ARHGAP21: variants seen among roughly 807,000 people sequenced by gnomAD.
ARHGAP21 encodes Rho GTPase activating protein 21, also known as rho GTPase-activating protein 21.
Under a neutral mutation model 164.6 loss-of-function variants are expected in ARHGAP21, and 38 were observed. That is an observed-to-expected ratio of 0.23 (90% confidence interval 0.18 to 0.30). ARHGAP21 has a LOEUF of 0.30. ARHGAP21 is among the 10% of genes least tolerant of loss of function. The pLI is 1.00. For missense variants in ARHGAP21, 1,822 were observed against 2,370.7 expected, an observed-to-expected ratio of 0.77 and a Z score of 4.81; for synonymous variants, 766 against 857.9, an observed-to-expected ratio of 0.89 and a Z score of 1.87.
At chr10:24,684,545 ACTC>A (rs1842048004) in intron 2 of ARHGAP21, among the ~76,000 whole-genome samples, 1 of 152,194 alleles carries the variant, frequency 6.6e-6, no homozygotes, top group Admixed American at 6.5e-5. Context: ...TGAAACAAAA[ACTC>A]CTGTCAAAAA....
chr10:24,682,292 G>T (rs79171645), intron 2 of ARHGAP21, among the ~76,000 whole-genome samples: 3,826 of 152,312 alleles, frequency 0.025, 72 homozygotes, highest in Non-Finnish European at 0.037. Flanking sequence ...TATCACAAGT[G>T]TGATGGAAAA....
At chr10:24,697,096 T>C (rs1843240061) in intron 2 of ARHGAP21, among the ~76,000 whole-genome samples, 1 of 152,132 alleles carries the variant, frequency 6.6e-6, no homozygotes, top group African/African-American at 2.4e-5. Context: ...TCTCTAGAGA[T>C]GGGTAACAAA....
chr10:24,603,527 T>C (rs2076899710), intron 12 of ARHGAP21, among the ~76,000 whole-genome samples: 1 of 152,088 alleles, frequency 6.6e-6, no homozygotes, highest in Non-Finnish European at 1.5e-5. Context: ...AGAACATGGG[T>C]GCAGACAACA....
chr10:24,645,687 T>C (rs1190752205), intron 4 of ARHGAP21, among the ~76,000 whole-genome samples: 1 of 152,158 alleles, frequency 6.6e-6, no homozygotes, highest in African/African-American at 2.4e-5. Context: ...TGTAGGATCA[T>C]GGCACAAGGA....
At position 24,616,931 on chromosome 10, in the gene ARHGAP21, A is replaced by T. The variant is rs184612453; in HGVS notation, c.2422+2542T>A. ...GAGTAATATTCCAAATTTAAAAACA[A>T]AATGTATTCATTTTGTTTTGTATGC... On this transcript the variant is annotated intron_variant, in intron 9 of 25. Coordinates refer to ENST00000396432, the MANE Select transcript of ARHGAP21 (RefSeq NM_020824.4). Among the ~76,000 whole-genome samples, 317 of 152,316 alleles carry T rather than the reference A, an allele frequency of 2.1e-3. No individual in the cohort carries two copies. The Middle Eastern group carries it at 0.027, about 13-fold the overall frequency.
At chr10:24,650,412 T>C (rs576190890) in intron 4 of ARHGAP21, among the ~76,000 whole-genome samples, 1 of 152,310 alleles carries the variant, frequency 6.6e-6, no homozygotes, top group South Asian at 2.1e-4. Context: ...GGAGTTAAAA[T>C]GTTCTAAGGT....
At chr10:24,596,543 A>G in intron 17 of ARHGAP21, 197 bp downstream of exon 17, 2 of 663,614 alleles carry the variant, frequency 3.0e-6, no homozygotes, top group Non-Finnish European at 4.9e-6. Flanking sequence ...TAATGGTTGA[A>G]TAATTATTCA....
intron 4 of ARHGAP21, among the ~76,000 whole-genome samples, chr10:24,658,494 C>G (rs1839318877): frequency 6.6e-6 from 1 of 152,162 alleles, no homozygotes; most frequent in African/African-American, 2.4e-5. Context: ...GAATACTATG[C>G]AGCCATAAAA....
intron 4 of ARHGAP21, among the ~76,000 whole-genome samples, chr10:24,651,815 C>A (rs1056144154): frequency 2.9e-4 from 44 of 152,256 alleles, no homozygotes; most frequent in Non-Finnish European, 1.6e-4. Flanking sequence ...TTCCATATTT[C>A]AAATATTCCA....
At chr10:24,633,152 A>G (rs904181546) in intron 6 of ARHGAP21, among the ~76,000 whole-genome samples, 1 of 152,244 alleles carries the variant, frequency 6.6e-6, no homozygotes, top group African/African-American at 2.4e-5. Flanking sequence ...CAGTAAATCT[A>G]AAGTGTGTGC....
At chr10:24,719,098 T>TACAC (rs57863565) in intron 2 of ARHGAP21, among the ~76,000 whole-genome samples, 9,852 of 147,490 alleles carry the variant, frequency 0.067, 329 homozygotes, top group Middle Eastern at 0.09. Flanking sequence ...CTTCACGGAC[T>TACAC]ACACACACAC....
chr10:24,597,403 T>TGA, intron 16 of ARHGAP21, 44 bp downstream of exon 16: 2 of 1,593,656 alleles, frequency 1.3e-6, no homozygotes, highest in Non-Finnish European at 1.7e-6. Flanking sequence ...ACGATGCCAA[T>TGA]TTTAAATCAT....
intron 4 of ARHGAP21, among the ~76,000 whole-genome samples, chr10:24,637,463 T>C (rs940679366): frequency 6.6e-6 from 1 of 152,172 alleles, no homozygotes; most frequent in Non-Finnish European, 1.5e-5. Flanking sequence ...ATTTATATAA[T>C]AAAAGAGAAG....
chr10:24,706,777 T>C (rs1458175370), intron 2 of ARHGAP21: 1 of 152,294 alleles, frequency 6.6e-6, no homozygotes, highest in East Asian at 1.9e-4. Flanking sequence ...TTCCCACCAG[T>C]ACATTTAAAT....
At chr10:24,591,491 G>T in intron 23 of ARHGAP21, 151 bp downstream of exon 23, 2 of 1,139,340 alleles carry the variant, frequency 1.8e-6, no homozygotes, top group South Asian at 1.4e-5. Flanking sequence ...CACCGTACTT[G>T]TATATTCATT....
chr10:24,663,056 T>TAC (rs1217032160), intron 4 of ARHGAP21, among the ~76,000 whole-genome samples: 8 of 152,086 alleles, frequency 5.3e-5, no homozygotes, highest in Non-Finnish European at 1.2e-4. Context: ...CAGGGTCTAT[T>TAC]ACAGGACATG....
chr10:24,612,747 C>G (rs967991428), intron 9 of ARHGAP21, among the ~76,000 whole-genome samples: 8 of 151,944 alleles, frequency 5.3e-5, no homozygotes, highest in African/African-American at 1.9e-4. Flanking sequence ...CCCAGCTACT[C>G]GGGAGGCTGA....
chr10:24,602,856 CTG>C (rs1227340801), intron 12 of ARHGAP21, among the ~76,000 whole-genome samples: 1 of 151,952 alleles, frequency 6.6e-6, no homozygotes, highest in Non-Finnish European at 1.5e-5. Context: ...TCAGGGTAGT[CTG>C]GAATTGATAT....
chr10:24,670,558 ATAT>A (rs1387094720), intron 2 of ARHGAP21, among the ~76,000 whole-genome samples, 161 bp from the exon 3 acceptor site: 3 of 152,124 alleles, frequency 2.0e-5, no homozygotes, highest in Non-Finnish European at 2.9e-5. Context: ...AAAATTTATT[ATAT>A]TATTATAACA....
Sources: allele counts gnomAD v4.1 joint callset (sites outside exome capture counted in the v4.1 genomes callset), GRCh38; gene constraint gnomAD v4.1.1; transcripts MANE v1.5; gene names NCBI Gene and HGNC (gene_info 2026-07-23, HGNC 2026-07-21).